Variants in MYO15A observed in about 807,000 individuals in gnomAD.
MYO15A encodes unconventional myosin-XV.
A neutral mutation model predicts 394.6 loss-of-function variants in MYO15A; 308 were observed. The ratio of observed to expected loss-of-function variants is 0.78; its 90% CI spans 0.71 to 0.86. The LOEUF (loss-of-function observed/expected upper bound fraction) is 0.86. MYO15A is among the 40% of genes least tolerant of loss of function. MYO15A has a pLI of 0.00. For synonymous variants in MYO15A, 1,957 were observed against 2,003.8 expected (o/e 0.98, Z 0.62); for missense variants, 4,606 against 4,799.1 (o/e 0.96, Z 1.19).
chr17:18,172,310 C>T lies in MYO15A; in HGVS notation c.10350+20C>T. The T allele has an allele frequency of 5.6e-6, 9 of 1,614,182 alleles. No homozygotes were observed. Among genetic ancestry groups the T allele is most frequent in the Non-Finnish European group, 7.6e-6 (9 of 1,180,028 alleles). On this transcript the variant is annotated intron_variant, in intron 64 of 65. Coordinates refer to ENST00000647165, the MANE Select transcript of MYO15A (RefSeq NM_016239.4). Reference sequence around the variant, plus strand: ...ACTCATGTGAGTGGCCTCAGCCTGGCACTGCCATCGCCACCCTCTGTTCCC... The same window carrying T: ...ACTCATGTGAGTGGCCTCAGCCTGGTACTGCCATCGCCACCCTCTGTTCCC...
At chr17:18,143,449 G>A in intron 25 of MYO15A, 117 bp from the exon 26 acceptor site, 1 of 1,211,410 alleles carries the variant, frequency 8.3e-7, no homozygotes. Flanking sequence ...CCACACAACA[G>A]GCAAGCTGCC....
intron 1 of MYO15A, among the ~76,000 whole-genome samples, chr17:18,116,146 G>A (rs896620182): frequency 6.6e-6 from 1 of 152,226 alleles, no homozygotes; most frequent in Non-Finnish European, 1.5e-5. Flanking sequence ...AAGGGGCCAG[G>A]CTGACTGAGG....
rs557274414 is a variant in MYO15A at position 18,179,680 on chromosome 17, C to G, written c.*810C>G. On this transcript the variant is annotated 3_prime_UTR_variant, in exon 66 of 66. Transcript: ENST00000647165. ...GATGGAAGACAGCAGGATAAACATT[C>G]CAGAGAAAATCATGTTTATTCCCTG... 1.3e-5 allele frequency: 2 copies of G among 152,412 alleles called. No homozygotes were observed. The highest frequency in any genetic ancestry group is 4.8e-5 in the African/African-American group (2 of 41,574). 9.4% of individuals were successfully genotyped at this position (152,412 alleles called of 1,614,324 possible).
intron 57 of MYO15A, 82 bp downstream of exon 57, chr17:18,161,529 C>G: frequency 6.3e-7 from 1 of 1,581,432 alleles, no homozygotes; most frequent in Non-Finnish European, 8.6e-7. Flanking sequence ...AGGGGAAACC[C>G]AGAGGGCCTC....
chr17:18,163,107 C>A (rs2046799585), intron 58 of MYO15A, 137 bp from the exon 59 acceptor site: 1 of 880,258 alleles, frequency 1.1e-6, no homozygotes, highest in Non-Finnish European at 1.9e-6. Context: ...ACAGGCCCTG[C>A]GCGGTCCAGG....
chr17:18,167,599 G>T lies in MYO15A; in HGVS notation c.9958G>T (p.Asp3320Tyr). Residue 3320 changes from aspartate to tyrosine, a missense_variant, in exon 62 of 66, where the codon GAC (aspartate) becomes TAC (tyrosine). This residue lies in a region of MYO15A where 2,776 missense variants were observed against 3,109.3 expected (regional missense o/e 0.89). Coordinates refer to ENST00000647165, the MANE Select transcript of MYO15A (RefSeq NM_016239.4). The part of the protein sequence containing the change: ...VTMHYNQVLP[D>Y]YLKGLFSSVP... ...CAGGTGCTCCCTGCAGGTCCTGCCT[G>T]ACTACCTGAAGGGACTCTTCAGCAG... 6.2e-7 allele frequency: 1 copy of T among 1,602,690 alleles called. No homozygotes were observed. The highest frequency in any genetic ancestry group is 1.1e-5 in the South Asian group (1 of 91,052).
chr17:18,158,198 A>C (rs919038167), intron 51 of MYO15A: 1 of 587,382 alleles, frequency 1.7e-6, no homozygotes, highest in Admixed American at 3.1e-5. Context: ...GGTGAAGTCT[A>C]CTGGGTTTGG....
intron 50 of MYO15A, 132 bp downstream of exon 50, chr17:18,157,362 C>T (rs894528658): frequency 3.9e-5 from 50 of 1,274,898 alleles, no homozygotes; most frequent in East Asian, 2.5e-5. Flanking sequence ...AAGGTCCAGC[C>T]GTGGCCTGTC....
At position 18,120,130 on chromosome 17, in the gene MYO15A, G is replaced by C. The variant is rs752592924; in HGVS notation, c.1330G>C (p.Glu444Gln). Residue 444 changes from glutamate to glutamine, a missense_variant, in exon 2 of 66, where the codon GAG (glutamate) becomes CAG (glutamine). Physicochemically the swap from Glu to Gln is conservative, Grantham distance 29. Around this residue, in one of 2 missense-constraint regions of MYO15A, gnomAD observed 1,830 missense variants for 1,689.7 expected, o/e 1.08. Coordinates refer to ENST00000647165, the MANE Select transcript of MYO15A (RefSeq NM_016239.4). ...GGAGGAACCAGAGGACGCGGGCGTAGAGCGTCAGGGGACCTCCTTCCGCCT... is the reference window on the plus strand; with the variant it reads ...GGAGGAACCAGAGGACGCGGGCGTACAGCGTCAGGGGACCTCCTTCCGCCT... Reference protein sequence around the residue: ...ELEEPEDAGVERQGTSFRLPS... With the variant: ...ELEEPEDAGVQRQGTSFRLPS... 6.2e-7 allele frequency: 1 copy of C among 1,612,976 alleles called. No homozygotes were observed. Among genetic ancestry groups the C allele is most frequent in the Non-Finnish European group, 8.5e-7 (1 of 1,179,930 alleles).
rs766366571 is a variant in MYO15A at position 18,150,516 on chromosome 17, C to T, written c.7300C>T (p.Pro2434Ser). 1 of 1,614,166 alleles carries T rather than the reference C, an allele frequency of 6.2e-7. No homozygotes were observed. The highest frequency in any genetic ancestry group is 2.2e-5 in the East Asian group (1 of 44,890). The change falls in exon 36 of 66, where the codon CCC (proline) becomes TCC (serine). Residue 2434 changes from proline (P) to serine (S), a missense_variant. Physicochemically the swap from Pro to Ser is moderately conservative, Grantham distance 74 (BLOSUM62 -1). Coordinates refer to ENST00000647165, the MANE Select transcript of MYO15A (RefSeq NM_016239.4). This position sits in a 1 kb window ranked among gnomAD's most constrained non-coding sequence, Gnocchi z 4.4. ...CAGCAGTAGTGGTACTGAAGACACCCCCAGGAGACCCCCAGAGCCAAAGCC... is the reference window on the plus strand; with the variant it reads ...CAGCAGTAGTGGTACTGAAGACACCTCCAGGAGACCCCCAGAGCCAAAGCC... Reference protein sequence around the residue: ...GGSSSGTEDTPRRPPEPKPIP... With the variant: ...GGSSSGTEDTSRRPPEPKPIP...
At position 18,119,141 on chromosome 17, in the gene MYO15A, G is replaced by GC. The variant is rs764251996; in HGVS notation, c.343dup (p.Arg115ProfsTer113). ...TTCATGGTGATCCGCTTCCCAGGCC[G>GC]CCGTGGCTACGGCCGCCTGCGGCCG... On this transcript the variant is annotated frameshift_variant, in exon 2 of 66. Coordinates refer to ENST00000647165, the MANE Select transcript of MYO15A (RefSeq NM_016239.4). LOFTEE classifies it high-confidence loss of function. 2.0e-5 allele frequency: 32 copies of GC among 1,611,740 alleles called. No individual in the cohort carries two copies. The highest frequency in any genetic ancestry group is 2.7e-5 in the Non-Finnish European group (32 of 1,179,606).
At chr17:18,138,065 G>A in intron 16 of MYO15A, 50 bp from the exon 17 acceptor site, 1 of 678,014 alleles carries the variant, frequency 1.5e-6, no homozygotes, top group South Asian at 1.4e-5. Flanking sequence ...AGGGTGGGTG[G>A]GCCCTGGACA....
At position 18,167,739 on chromosome 17, in the gene MYO15A, C is replaced by T; in HGVS notation, c.10082+16C>T. The T allele has an allele frequency of 6.2e-7, 1 of 1,601,886 alleles. No homozygotes were observed. Among genetic ancestry groups the T allele is most frequent in the South Asian group, 1.1e-5 (1 of 91,068 alleles). On this transcript the variant is annotated intron_variant, in intron 62 of 65. Transcript: ENST00000647165. ...TGCCGAGCGTGTGAGCATCTGCCCT[C>T]CTGCCTCAGCTGGGGTGGACAGGCA...
In MYO15A at chr17:18,120,457, C is replaced by G; in HGVS notation, c.1657C>G (p.Arg553Gly). Residue 553 changes from arginine to glycine, a missense_variant, in exon 2 of 66, where the codon CGG (arginine) becomes GGG (glycine). By Grantham distance (125) the Arg-to-Gly change is moderately radical. Around this residue, in one of 2 missense-constraint regions of MYO15A, gnomAD observed 1,830 missense variants for 1,689.7 expected, o/e 1.08. Transcript: ENST00000647165. ...QRALSAFGAH[R>G]GLGFGPEFGR... ...CGCGCTGTCGGCCTTCGGCGCCCAC[C>G]GGGGCCTGGGCTTCGGCCCTGAGTT... The G allele has an allele frequency of 6.3e-7, 1 of 1,577,146 alleles. No homozygotes were observed. The highest frequency in any genetic ancestry group is 8.6e-7 in the Non-Finnish European group (1 of 1,164,558).
In MYO15A at chr17:18,155,091, C is replaced by T; in HGVS notation, c.8225-19C>T. The stretch of plus-strand genomic sequence containing the variant: ...AGGGGAGTGGGGAGAGGGTCCTGAC[C>T]AGACCTGGCCTCCCATAGCCCAGAA... On this transcript the variant is annotated intron_variant, in intron 45 of 65. Transcript: ENST00000647165. 1 of 1,607,396 alleles carries T rather than the reference C, an allele frequency of 6.2e-7. No homozygotes were observed. The highest frequency in any genetic ancestry group is 2.3e-5 in the East Asian group (1 of 44,396).
Position 18,157,095 on chromosome 17 carries a change from G to GGAGGGGGAGGCTGGCC in MYO15A, c.8713+31_8714-45dup, listed in dbSNP as rs1209629672. ...GTGCCACTGGGGTGGGCTGGGGGCA[G>GGAGGGGGAGGCTGGCC]GAGGGGGAGGCTGGCCAAGGGGGCC... On this transcript the variant is annotated intron_variant, in intron 49 of 65. Coordinates refer to ENST00000647165, the MANE Select transcript of MYO15A (RefSeq NM_016239.4). 2.5e-6 allele frequency: 4 copies of GGAGGGGGAGGCTGGCC among 1,612,912 alleles called. No homozygotes were observed. The Admixed American group carries it at 5.0e-5, about 20-fold the overall frequency.
At chr17:18,112,682 A>T (rs1297721124) in intron 1 of MYO15A, among the ~76,000 whole-genome samples, 2 of 152,184 alleles carry the variant, frequency 1.3e-5, no homozygotes, top group Non-Finnish European at 2.9e-5. Flanking sequence ...TGCTGGGACT[A>T]CAGGTGTGAG....
chr17:18,162,327 A>G (rs1240521399), intron 57 of MYO15A, among the ~76,000 whole-genome samples: 2 of 152,174 alleles, frequency 1.3e-5, no homozygotes, highest in African/African-American at 4.8e-5. Context: ...TAGGTTGCCA[A>G]GGGGACTATG....
Position 18,131,246 on chromosome 17 carries a change from AG to A in MYO15A, c.4048del (p.Ala1350GlnfsTer34), listed in dbSNP as rs1002838669. 3 of 1,613,474 alleles carry A rather than the reference AG, an allele frequency of 1.9e-6. No individual in the cohort carries two copies. The highest frequency in any genetic ancestry group is 1.7e-6 in the Non-Finnish European group (2 of 1,179,820). Reference sequence around the variant, plus strand: ...TCTCCTTCTGGAGTCCAGATCCTGGAGGCAACACCCCTCTTGGAGTCCTTCG... The same window carrying A: ...TCTCCTTCTGGAGTCCAGATCCTGGAGCAACACCCCTCTTGGAGTCCTTCG... Reference protein sequence around the residue: ...REVMQQIKILEATPLLESFGN... With the variant: ...REVMQQIKILXATPLLESFGN... On this transcript the variant is annotated frameshift_variant, in exon 9 of 66. Transcript: ENST00000647165. LOFTEE classifies it high-confidence loss of function.
Sources: gnomAD v4.1 joint callset for allele counts (sites outside exome capture counted in the v4.1 genomes callset) on GRCh38, gnomAD v4.1.1 for gene constraint, gnomAD v4.1.1 regional missense constraint, Gnocchi (gnomAD v3.1) non-coding constraint, MANE v1.5 for transcripts, NCBI Gene and HGNC (gene_info 2026-07-23, HGNC 2026-07-21) for gene names.